LARGE1: variants seen among roughly 807,000 people sequenced by gnomAD.
The protein encoded by LARGE1 is LARGE xylosyl- and glucuronyltransferase 1.
In LARGE1, 43 loss-of-function variants were observed where a neutral mutation model predicts 87.6. The observed-to-expected ratio is 0.49, with a 90% CI of 0.38 to 0.63. The LOEUF (loss-of-function observed/expected upper bound fraction) is 0.63. Ranked by LOEUF, LARGE1 falls within the 30% of genes least tolerant of loss-of-function variation. The pLI is 0.00. For missense variants in LARGE1, 802 were observed against 1,000.2 expected (o/e 0.80, Z 2.67); for synonymous variants, 434 against 394.6 (o/e 1.10, Z -1.18).
At chr22:33,653,985 C>T (rs1445300923) in intron 2 of LARGE1, among the ~76,000 whole-genome samples, 1 of 152,104 alleles carries the variant, frequency 6.6e-6, no homozygotes, top group African/African-American at 2.4e-5. Context: ...CCTGAAAGTC[C>T]CATATTTTAA....
chr22:33,645,818 C>T (rs907697848), intron 3 of LARGE1, among the ~76,000 whole-genome samples: 40 of 152,158 alleles, frequency 2.6e-4, no homozygotes, highest in Non-Finnish European at 4.1e-4. Flanking sequence ...GACACTTATA[C>T]GGCCAACAAA....
intron 2 of LARGE1, among the ~76,000 whole-genome samples, chr22:33,707,913 C>T (rs1255015279): frequency 1.3e-5 from 2 of 152,140 alleles, no homozygotes; most frequent in Admixed American, 6.5e-5. Flanking sequence ...GTGTGCTTAG[C>T]TCTGGAAGTG....
At chr22:33,813,651 A>G (rs924830934) in intron 1 of LARGE1, among the ~76,000 whole-genome samples, 2 of 152,152 alleles carry the variant, frequency 1.3e-5, no homozygotes, top group African/African-American at 4.8e-5. Flanking sequence ...CTACTGCAGG[A>G]TGTTCCATCT....
intron 6 of LARGE1, among the ~76,000 whole-genome samples, chr22:33,440,824 T>G (rs935306788): frequency 6.6e-6 from 1 of 152,090 alleles, no homozygotes; most frequent in African/African-American, 2.4e-5. Flanking sequence ...CAGCTCCTAC[T>G]TTGCAGTTCA....
chr22:33,547,804 A>C (rs1423636444), intron 6 of LARGE1, among the ~76,000 whole-genome samples: 1 of 149,638 alleles, frequency 6.7e-6, no homozygotes. Flanking sequence ...AAAAAAAAAA[A>C]AAAAAAAAAA....
At chr22:33,738,485 G>C (rs1040327277) in intron 2 of LARGE1, among the ~76,000 whole-genome samples, 4 of 152,192 alleles carry the variant, frequency 2.6e-5, no homozygotes, top group African/African-American at 4.8e-5. Context: ...AATGAGGAAG[G>C]GGGAATAGTG....
chr22:33,363,879 A>G (rs1280594103), intron 9 of LARGE1, among the ~76,000 whole-genome samples: 3 of 148,816 alleles, frequency 2.0e-5, no homozygotes, highest in Admixed American at 2.0e-4. Context: ...CAGCATGGAG[A>G]TGCTGGATGA....
At chr22:33,232,155 C>T (rs1188245839) in intron 11 of LARGE1, among the ~76,000 whole-genome samples, 4 of 152,316 alleles carry the variant, frequency 2.6e-5, no homozygotes, top group African/African-American at 7.2e-5. Flanking sequence ...TATTTGAACA[C>T]AATAGAGCCG....
At chr22:33,288,176 T>C (rs1931889738) in intron 12 of LARGE1, among the ~76,000 whole-genome samples, 2 of 152,224 alleles carry the variant, frequency 1.3e-5, no homozygotes, top group African/African-American at 4.8e-5. Context: ...CATAGACGTG[T>C]TAAACTGCAA....
intron 7 of LARGE1, among the ~76,000 whole-genome samples, chr22:33,422,847 T>G (rs930056179): frequency 3.3e-5 from 5 of 152,024 alleles, no homozygotes; most frequent in Admixed American, 2.0e-4. Flanking sequence ...GCTAAACCAT[T>G]CATGAGAAAT....
At chr22:33,252,670 C>T (rs964243198) in intron 11 of LARGE1, among the ~76,000 whole-genome samples, 8 of 152,100 alleles carry the variant, frequency 5.3e-5, no homozygotes, top group Admixed American at 6.5e-5. Flanking sequence ...AGACGTGTGC[C>T]TTCCTTTGTT....
At chr22:33,199,914 A>G (rs575872625) in intron 11 of LARGE1, among the ~76,000 whole-genome samples, 246 of 151,864 alleles carry the variant, frequency 1.6e-3, no homozygotes, top group Middle Eastern at 0.01. Context: ...CAGTGGCACA[A>G]TCTCGGCTCA....
At chr22:33,414,609 C>T (rs1286699958) in intron 7 of LARGE1, among the ~76,000 whole-genome samples, 3 of 152,160 alleles carry the variant, frequency 2.0e-5, no homozygotes, top group Admixed American at 1.3e-4. Context: ...CATCTGTAGC[C>T]TTTTATCTTA....
rs531276992 is a variant in LARGE1 at position 33,513,418 on chromosome 22, T to A, written c.787+51430A>T. On this transcript the variant is annotated intron_variant, in intron 6 of 14. Coordinates refer to ENST00000397394, the MANE Select transcript of LARGE1 (RefSeq NM_133642.5). ...TGTGAAATCAGTGCATTATTGAGCA[T>A]ACAGCAACTCAAACACTTTTTGGTT... Among the ~76,000 whole-genome samples, 18 of 152,316 alleles carry A rather than the reference T, an allele frequency of 1.2e-4. No homozygotes were observed. In the Middle Eastern group the frequency reaches 0.017, roughly 144 times the overall value.
At position 33,340,327 on chromosome 22, in the gene LARGE1, G is replaced by C. The variant is rs1430699691; in HGVS notation, c.1132-2526C>G. On this transcript the variant is annotated intron_variant, in intron 9 of 14. Coordinates refer to ENST00000397394, the MANE Select transcript of LARGE1 (RefSeq NM_133642.5). ...GCACACAGGGACCCAGGAGACTGAT[G>C]GCTGGGCCAATCAGATGGCCTCTCA... 1.4e-4 allele frequency among the ~76,000 whole-genome samples: 21 copies of C among 151,882 alleles called. No individual in the cohort carries two copies. The East Asian group carries it at 3.9e-3, about 28-fold the overall frequency.
At chr22:33,229,384 T>C (rs539396630) in intron 11 of LARGE1, among the ~76,000 whole-genome samples, 30 of 152,166 alleles carry the variant, frequency 2.0e-4, no homozygotes, top group African/African-American at 7.2e-4. Context: ...TGTGTATATA[T>C]ATGTATATAA....
At chr22:33,627,928 C>T (rs1007826406) in intron 3 of LARGE1, among the ~76,000 whole-genome samples, 23 of 152,150 alleles carry the variant, frequency 1.5e-4, no homozygotes, top group African/African-American at 5.1e-4. Context: ...TATGGAGGGT[C>T]CCTTTGCCGT....
At chr22:33,248,289 G>A (rs1240552898) in intron 11 of LARGE1, among the ~76,000 whole-genome samples, 1 of 152,144 alleles carries the variant, frequency 6.6e-6, no homozygotes, top group Non-Finnish European at 1.5e-5. Flanking sequence ...CCAGGTTCAA[G>A]CAATTTTCCT....
intron 2 of LARGE1, among the ~76,000 whole-genome samples, chr22:33,652,096 A>T (rs1054291027): frequency 2.0e-5 from 3 of 152,134 alleles, no homozygotes; most frequent in Non-Finnish European, 4.4e-5. Context: ...GAATTGCTTG[A>T]ACCCTGGAGG....
Sources: gnomAD v4.1 joint callset for allele counts (sites outside exome capture counted in the v4.1 genomes callset) on GRCh38, gnomAD v4.1.1 for gene constraint, MANE v1.5 for transcripts, NCBI Gene and HGNC (gene_info 2026-07-23, HGNC 2026-07-21) for gene names.